Variants in CNTNAP3 observed in about 807,000 individuals in gnomAD.
The protein encoded by CNTNAP3 is contactin associated protein family member 3.
In CNTNAP3, 36 loss-of-function variants were observed where a neutral mutation model predicts 92.1. The observed-to-expected ratio is 0.39, with a 90% CI of 0.30 to 0.52. The LOEUF (loss-of-function observed/expected upper bound fraction) is 0.52. Among genes scored for constraint, CNTNAP3 ranks in the 20% least tolerant of loss-of-function variants. The probability of loss-of-function intolerance (pLI) is 0.76; values close to 1 mark genes in which losing one functional copy is unlikely to be tolerated. For missense variants in CNTNAP3, 534 were observed against 1,069.6 expected (o/e 0.50, Z 6.98); for synonymous variants, 232 against 422.3 (o/e 0.55, Z 5.53).
At chr9:39,125,999 T>C (rs561711991) in intron 13 of CNTNAP3, among the ~76,000 whole-genome samples, 3 of 152,272 alleles carry the variant, frequency 2.0e-5, no homozygotes, top group East Asian at 1.9e-4. Context: ...CTGAATACTT[T>C]AGAATTCAAT....
At chr9:39,133,436 G>T (rs1047771656) in intron 12 of CNTNAP3, among the ~76,000 whole-genome samples, 1 of 151,528 alleles carries the variant, frequency 6.6e-6, no homozygotes, top group African/African-American at 2.4e-5. Flanking sequence ...CACAAGCATG[G>T]GGCCAAACTG....
intron 13 of CNTNAP3, among the ~76,000 whole-genome samples, chr9:39,125,029 A>T (rs2118006426): frequency 6.6e-6 from 1 of 152,258 alleles, no homozygotes; most frequent in Non-Finnish European, 1.5e-5. Context: ...AAGGATTATA[A>T]ATCATGCTGC....
chr9:39,130,653 T>C (rs1223252764), intron 13 of CNTNAP3, among the ~76,000 whole-genome samples: 1 of 152,058 alleles, frequency 6.6e-6, no homozygotes, highest in Non-Finnish European at 1.5e-5. Context: ...TACAGGCACC[T>C]GCCACCAAGC....
At chr9:39,165,845 GTTTAAA>G (rs1286546606) in intron 9 of CNTNAP3, 82 bp downstream of exon 9, 1 of 14,886 alleles carries the variant, frequency 6.7e-5, no homozygotes, top group African/African-American at 2.7e-4. Context: ...TATCAACTTG[GTTTAAA>G]TTTGACTAGA....
intron 12 of CNTNAP3, among the ~76,000 whole-genome samples, chr9:39,138,476 A>G (rs1225036432): frequency 6.7e-6 from 1 of 148,468 alleles, no homozygotes; most frequent in African/African-American, 2.5e-5. Context: ...ACAAAACAAA[A>G]CAAGAAAACA....
chr9:39,119,960 T>G (rs1384555319), intron 13 of CNTNAP3, among the ~76,000 whole-genome samples: 1 of 152,136 alleles, frequency 6.6e-6, no homozygotes, highest in African/African-American at 2.4e-5. Context: ...TAAAAAGAAC[T>G]GAGCCATAGG....
chr9:39,101,560 A>G (rs1270326721), intron 17 of CNTNAP3, among the ~76,000 whole-genome samples: 1 of 141,258 alleles, frequency 7.1e-6, no homozygotes, highest in Non-Finnish European at 1.6e-5. Context: ...AGAACAGATG[A>G]GCCAGACCAG....
chr9:39,115,108 T>A (rs1216475834), intron 14 of CNTNAP3, among the ~76,000 whole-genome samples: 1 of 151,972 alleles, frequency 6.6e-6, no homozygotes, highest in Non-Finnish European at 1.5e-5. Context: ...AAACTTTTTT[T>A]TAAGTAATAT....
At chr9:39,112,495 A>G (rs1820728401) in intron 14 of CNTNAP3, among the ~76,000 whole-genome samples, 1 of 152,052 alleles carries the variant, frequency 6.6e-6, no homozygotes. Flanking sequence ...CCTCCAGAGT[A>G]GCTGGGATTA....
chr9:39,137,487 A>G (rs1821468335), intron 12 of CNTNAP3, among the ~76,000 whole-genome samples: 1 of 151,966 alleles, frequency 6.6e-6, no homozygotes, highest in Non-Finnish European at 1.5e-5. Flanking sequence ...TGTCCCTGCC[A>G]TATCTGACTC....
intron 13 of CNTNAP3, among the ~76,000 whole-genome samples, chr9:39,130,527 C>T (rs553797981): frequency 3.5e-3 from 387 of 109,986 alleles, no homozygotes; most frequent in Non-Finnish European, 4.9e-3. Context: ...TGAGATGGAA[C>T]GGAGTCTTGC....
Position 39,099,694 on chromosome 9 carries a change from T to C in CNTNAP3, c.2995+217A>G, listed in dbSNP as rs1356927314. 1.4e-5 allele frequency: 11 copies of C among 810,588 alleles called. No individual in the cohort carries two copies. In the Admixed American group the frequency reaches 3.2e-4, roughly 24 times the overall value. 50.2% of individuals were successfully genotyped at this position (810,588 alleles called of 1,614,324 possible). Reference sequence around the variant, plus strand: ...ACAGATGCTAGGGGTAACCCAGAGATCTTCTAAATAAGAAACCCAGAGAGG... The same window carrying C: ...ACAGATGCTAGGGGTAACCCAGAGACCTTCTAAATAAGAAACCCAGAGAGG... On this transcript the variant is annotated intron_variant, in intron 18 of 23. Transcript: ENST00000297668.
rs573941122 is a variant in CNTNAP3 at position 39,202,225 on chromosome 9, C to T, written c.391-8950G>A. 8.5e-3 allele frequency among the ~76,000 whole-genome samples: 339 copies of T among 39,784 alleles called. 69 individuals carry two copies. The highest frequency in any genetic ancestry group is 0.014 in the African/African-American group (330 of 23,844). 26.1% of individuals were successfully genotyped at this position (39,784 alleles called of 152,430 possible). On this transcript the variant is annotated intron_variant, in intron 3 of 23. Coordinates refer to ENST00000297668, the MANE Select transcript of CNTNAP3 (RefSeq NM_033655.5). ...TTCATCTCTAATGTGGTGTGGCCGACCTTGAGTTAATTTAAACTCTTTACA... is the reference window on the plus strand; with the variant it reads ...TTCATCTCTAATGTGGTGTGGCCGATCTTGAGTTAATTTAAACTCTTTACA...
In CNTNAP3 at chr9:39,102,620, G is replaced by T. The variant is rs767202903; in HGVS notation, c.2632C>A (p.His878Asn). Residue 878 changes from histidine (H) to asparagine (N), a missense_variant, in exon 17 of 24, where the codon CAC (histidine) becomes AAC (asparagine). Physicochemically the swap from His to Asn is moderately conservative, Grantham distance 68 (BLOSUM62 1). Transcript: ENST00000297668. ...PTPFNDNQWH[H>N]VRAERNVKGA... is the part of the protein sequence containing the mutation. ...TTAACATTTCTCTCTGCCCTCACGT[G>T]GTGCCACTGATTGTCATTAAAGGGA... The T allele has an allele frequency of 7.2e-7, 1 of 1,393,628 alleles. No individual in the cohort carries two copies. Among genetic ancestry groups the T allele is most frequent in the African/African-American group, 1.4e-5 (1 of 69,198 alleles). The allele number at this position is 1,393,628 out of a possible 1,614,324, so 86.3% of individuals were successfully genotyped here.
At chr9:39,142,037 C>G (rs915739899) in intron 11 of CNTNAP3, among the ~76,000 whole-genome samples, 13 of 152,140 alleles carry the variant, frequency 8.5e-5, no homozygotes, top group African/African-American at 3.1e-4. Context: ...CTACCTATAG[C>G]CGTCAACTAT....
Position 39,065,443 on chromosome 9 carries a change from G to A in CNTNAP3, c.*8447C>T, listed in dbSNP as rs1825490586. ...AAGTAAAGATGCTATAAACGTTCTT[G>A]TGTAAGTCTTATAATGGGCATAAGT... On this transcript the variant is annotated 3_prime_UTR_variant, in exon 24 of 24. Transcript: ENST00000297668. 6.6e-6 allele frequency among the ~76,000 whole-genome samples: 1 copy of A among 151,952 alleles called. No individual in the cohort carries two copies. The highest frequency in any genetic ancestry group is 1.5e-5 in the Non-Finnish European group (1 of 67,994).
intron 11 of CNTNAP3, among the ~76,000 whole-genome samples, chr9:39,142,523 T>G (rs1040540192): frequency 8.6e-5 from 13 of 151,694 alleles, no homozygotes; most frequent in Admixed American, 5.9e-4. Flanking sequence ...ATACAAAAAA[T>G]TAGCCAGGTG....
At chr9:39,108,834 G>A (rs1464558132) in intron 15 of CNTNAP3, among the ~76,000 whole-genome samples, 1 of 152,104 alleles carries the variant, frequency 6.6e-6, no homozygotes, top group African/African-American at 2.4e-5. Flanking sequence ...GAGTATAAGG[G>A]CAATGAATAA....
intron 18 of CNTNAP3, among the ~76,000 whole-genome samples, chr9:39,099,190 G>A (rs1174347950): frequency 3.3e-5 from 5 of 151,940 alleles, no homozygotes; most frequent in African/African-American, 1.2e-4. Flanking sequence ...TCCTGACCTC[G>A]TGATCCGCCT....
Sources: allele counts gnomAD v4.1 joint callset (sites outside exome capture counted in the v4.1 genomes callset), GRCh38; gene constraint gnomAD v4.1.1; transcripts MANE v1.5; gene names NCBI Gene and HGNC (gene_info 2026-07-23, HGNC 2026-07-21).